Variants in CLYBL observed in about 807,000 individuals in gnomAD.
CLYBL encodes citramalyl-CoA lyase, mitochondrial.
A neutral mutation model predicts 38.9 loss-of-function variants in CLYBL; 31 were observed. That is an observed-to-expected ratio of 0.80 (90% CI 0.60 to 1.08). The LOEUF is 1.08. Among genes scored for constraint, CLYBL ranks in the 50% least tolerant of loss-of-function variants. The pLI, the probability that CLYBL is intolerant of heterozygous loss-of-function variation, is 0.00. For synonymous variants in CLYBL, 171 were observed against 158.6 expected, an observed-to-expected ratio of 1.08 and a Z score of -0.59; for missense variants, 434 against 411.6, an observed-to-expected ratio of 1.05 and a Z score of -0.47.
At chr13:99,708,123 T>C (rs1303170347) in intron 1 of CLYBL, among the ~76,000 whole-genome samples, 7 of 152,210 alleles carry the variant, frequency 4.6e-5, no homozygotes, top group African/African-American at 1.7e-4. Context: ...GGATTACAGG[T>C]GCCCACTACC....
chr13:99,875,249 G>A (rs549523445), intron 7 of CLYBL, among the ~76,000 whole-genome samples: 2 of 152,230 alleles, frequency 1.3e-5, no homozygotes, highest in East Asian at 3.9e-4. Context: ...ATTTCACTCA[G>A]GAGAGAAAAA....
At chr13:99,859,608 C>T (rs903030515) in intron 3 of CLYBL, among the ~76,000 whole-genome samples, 1 of 152,174 alleles carries the variant, frequency 6.6e-6, no homozygotes, top group African/African-American at 2.4e-5. Flanking sequence ...GAACAGTTCT[C>T]TAGTGCATCC....
At position 99,757,081 on chromosome 13, in the gene CLYBL, A is replaced by C. The variant is rs148296144; in HGVS notation, c.63-15743A>C. Reference sequence around the variant, plus strand: ...CGGCCAATTATTTAAAACATGTTTGATAGAGACAGGGCCTCCATGTGTTGC... The same window carrying C: ...CGGCCAATTATTTAAAACATGTTTGCTAGAGACAGGGCCTCCATGTGTTGC... On this transcript the variant is annotated intron_variant, in intron 1 of 8. Coordinates refer to ENST00000339105, the MANE Select transcript of CLYBL (RefSeq NM_206808.5). Among the ~76,000 whole-genome samples the C allele has an allele frequency of 1.3e-3, 194 of 152,144 alleles. 1 individual carries two copies. The highest frequency in any genetic ancestry group is 4.5e-3 in the African/African-American group (186 of 41,524).
chr13:99,656,034 C>T (rs549428434), intron 1 of CLYBL, among the ~76,000 whole-genome samples: 7 of 152,306 alleles, frequency 4.6e-5, no homozygotes, highest in East Asian at 1.9e-4. Context: ...GTGACAGTCT[C>T]GCGGGGAGAC....
chr13:99,781,095 T>C (rs1404052754), intron 2 of CLYBL, among the ~76,000 whole-genome samples: 1 of 151,514 alleles, frequency 6.6e-6, no homozygotes, highest in African/African-American at 2.4e-5. Flanking sequence ...CCCACCTGTT[T>C]CATGTTTCTT....
chr13:99,904,051 A>AAAC lies in CLYBL; in HGVS notation c.*25-1217_*25-1216insCAA, dbSNP rs1555327481. Among the ~76,000 whole-genome samples, 1,237 of 151,996 alleles carry AAAC rather than the reference A, an allele frequency of 8.1e-3. 20 individuals carry two copies. The highest frequency in any genetic ancestry group is 0.028 in the African/African-American group (1,139 of 41,418). On this transcript the variant is annotated intron_variant and NMD_transcript_variant, in intron 8 of 9. Coordinates refer to the CLYBL transcript ENST00000689673. ...CAGAGTGAGACCCCTCTCTTAAAAA[A>AAAC]AAAAACAAAAACAAAAAAACCCCAC... is the stretch of plus-strand genomic sequence containing the variant.
intron 1 of CLYBL, among the ~76,000 whole-genome samples, chr13:99,713,704 G>A (rs535018984): frequency 1.3e-5 from 2 of 151,556 alleles, no homozygotes; most frequent in South Asian, 4.2e-4. Context: ...GATTGATTGA[G>A]AAAGGGTCTT....
chr13:99,729,875 G>A (rs1239170613), intron 1 of CLYBL, among the ~76,000 whole-genome samples: 3 of 137,204 alleles, frequency 2.2e-5, no homozygotes, highest in East Asian at 2.7e-4. Flanking sequence ...CCTCGGCACC[G>A]CTTCAGTGTG....
chr13:99,772,318 G>T (rs2049413141), intron 1 of CLYBL, among the ~76,000 whole-genome samples: 1 of 152,114 alleles, frequency 6.6e-6, no homozygotes, highest in South Asian at 2.1e-4. Flanking sequence ...TTAAACCTCA[G>T]CCAAAATAAC....
At chr13:99,649,521 T>C (rs1340867023) in intron 1 of CLYBL, among the ~76,000 whole-genome samples, 1 of 152,146 alleles carries the variant, frequency 6.6e-6, no homozygotes, top group African/African-American at 2.4e-5. Flanking sequence ...TGCCGATAAG[T>C]TGAAGGGTGG....
intron 1 of CLYBL, among the ~76,000 whole-genome samples, chr13:99,660,522 C>G (rs950027634): frequency 1.2e-4 from 19 of 152,112 alleles, no homozygotes; most frequent in Admixed American, 1.1e-3. Flanking sequence ...CTGCATCTAC[C>G]CATTAAGTTT....
chr13:99,623,925 C>G (rs2046832687), intron 1 of CLYBL, among the ~76,000 whole-genome samples: 1 of 146,848 alleles, frequency 6.8e-6, no homozygotes, highest in Non-Finnish European at 1.5e-5. Context: ...TGCCACTGCA[C>G]TCCAGCCTGG....
chr13:99,881,664 C>T (rs745417466), intron 7 of CLYBL, among the ~76,000 whole-genome samples: 5 of 151,106 alleles, frequency 3.3e-5, no homozygotes, highest in African/African-American at 7.3e-5. Flanking sequence ...TGGGCTTAGG[C>T]GATCCTCCCG....
At chr13:99,764,590 C>T (rs972029746) in intron 1 of CLYBL, among the ~76,000 whole-genome samples, 6 of 152,008 alleles carry the variant, frequency 3.9e-5, no homozygotes, top group African/African-American at 1.4e-4. Flanking sequence ...GTTATGTCTC[C>T]TTTTTCATTT....
chr13:99,749,158 C>T (rs1402690670), intron 1 of CLYBL, among the ~76,000 whole-genome samples: 6 of 149,204 alleles, frequency 4.0e-5, no homozygotes, highest in Non-Finnish European at 7.4e-5. Context: ...GCAGCCTGGG[C>T]GACAAAGCGA....
rs1312474637 is a variant in CLYBL at position 99,637,996 on chromosome 13, C to CTCTG, written c.62+31242_62+31245dup. ...TTTTTTTTTTTGAGACAAGGTCTTG[C>CTCTG]TCTGTCGCCTAGGCTGGAGTGCAAT... On this transcript the variant is annotated intron_variant, in intron 1 of 8. Transcript: ENST00000339105. 4.8e-5 allele frequency among the ~76,000 whole-genome samples: 5 copies of CTCTG among 104,526 alleles called. No homozygotes were observed. The East Asian group carries it at 1.9e-3, about 40-fold the overall frequency. 68.6% of individuals were successfully genotyped at this position (104,526 alleles called of 152,430 possible).
intron 3 of CLYBL, among the ~76,000 whole-genome samples, chr13:99,861,073 C>A (rs2051589002): frequency 6.6e-6 from 1 of 152,164 alleles, no homozygotes; most frequent in African/African-American, 2.4e-5. Context: ...ATTTCTCCCC[C>A]TTCTTCTCCT....
chr13:99,860,433 T>TAA, intron 3 of CLYBL, among the ~76,000 whole-genome samples: 1 of 152,308 alleles, frequency 6.6e-6, no homozygotes, highest in Non-Finnish European at 1.5e-5. Flanking sequence ...ATTTATTGAC[T>TAA]AAGCTGGAGT....
intron 1 of CLYBL, among the ~76,000 whole-genome samples, chr13:99,665,594 A>G (rs2047469206): frequency 6.6e-6 from 1 of 152,124 alleles, no homozygotes; most frequent in South Asian, 2.1e-4. Context: ...AGGTTAAAAA[A>G]AAAAACCCAA....
Sources: gnomAD v4.1 joint callset for allele counts (sites outside exome capture counted in the v4.1 genomes callset) on GRCh38, gnomAD v4.1.1 for gene constraint, MANE v1.5 for transcripts, NCBI Gene and HGNC (gene_info 2026-07-23, HGNC 2026-07-21) for gene names.